Variants in GNG2 observed in about 807,000 individuals in gnomAD.
The protein encoded by GNG2 is G protein subunit gamma 2, also known as guanine nucleotide-binding protein G(I)/G(S)/G(O) subunit gamma-2.
In GNG2, 5 loss-of-function variants were observed where a neutral mutation model predicts 5.5. That is an observed-to-expected ratio of 0.91 (90% CI 0.48 to 1.92). The LOEUF is 1.92. Among genes scored for constraint, GNG2 ranks in the 30% most tolerant of loss-of-function variants. The pLI is 0.01. For missense variants in GNG2, 55 were observed against 88.4 expected, an observed-to-expected ratio of 0.62 and a Z score of 1.52; for synonymous variants, 28 against 32.0, an observed-to-expected ratio of 0.88 and a Z score of 0.42.
intron 2 of GNG2, among the ~76,000 whole-genome samples, chr14:51,930,805 G>C (rs903077884): frequency 2.8e-4 from 43 of 152,182 alleles, no homozygotes; most frequent in African/African-American, 1.0e-3. Context: ...CATGGTGGAA[G>C]GTGAAGGGGG....
rs73297015 is a variant in GNG2, at chr14:51,945,624, A to C, written c.-29-5026A>C. 4.9e-3 allele frequency among the ~76,000 whole-genome samples: 750 copies of C among 152,340 alleles called. 7 individuals carry two copies. The highest frequency in any genetic ancestry group is 0.017 in the African/African-American group (720 of 41,580). ...TGGATGGTGGTGATGATTGCACAAC[A>C]GTATACGTGTATTTAATACCACTGA... On this transcript the variant is annotated intron_variant, in intron 2 of 3. Transcript: ENST00000556766.
chr14:51,968,574 C>T lies in GNG2; in HGVS notation c.*1887C>T, dbSNP rs1281316873. 1 of 152,130 alleles carries T rather than the reference C, an allele frequency of 6.6e-6. No individual in the cohort carries two copies. The allele number at this position is 152,130 out of a possible 1,614,324, so 9.4% of individuals were successfully genotyped here. On this transcript the variant is annotated 3_prime_UTR_variant, in exon 4 of 4. Coordinates refer to ENST00000556766, the MANE Select transcript of GNG2 (RefSeq NM_053064.5). ...ATGAATGCACTTCTGTAACCAGATA[C>T]TTCTGTTCTTCTGTTCAAATTGTGG... is the stretch of plus-strand genomic sequence containing the variant.
chr14:51,852,175 A>G (rs533525421), intron 2 of GNG2, among the ~76,000 whole-genome samples: 31 of 152,358 alleles, frequency 2.0e-4, no homozygotes, highest in African/African-American at 6.7e-4. Flanking sequence ...TCATTGGAAA[A>G]TAAAATCATA....
Position 51,960,479 on chromosome 14 carries a change from C to G in GNG2, c.88-6080C>G, listed in dbSNP as rs114372489. ...ATTCTATTCATTGTATTTTTCATCTCATTGTATTTTTTCATGTCTACATAT... is the reference window on the plus strand; with the variant it reads ...ATTCTATTCATTGTATTTTTCATCTGATTGTATTTTTTCATGTCTACATAT... On this transcript the variant is annotated intron_variant, in intron 3 of 3. Coordinates refer to ENST00000556766, the MANE Select transcript of GNG2 (RefSeq NM_053064.5). Among the ~76,000 whole-genome samples the G allele has an allele frequency of 9.4e-3, 1,382 of 146,682 alleles. 28 individuals carry two copies. The highest frequency in any genetic ancestry group is 0.034 in the African/African-American group (1,298 of 38,364).
chr14:51,894,239 G>A (rs1594886149), intron 2 of GNG2, among the ~76,000 whole-genome samples: 1 of 151,926 alleles, frequency 6.6e-6, no homozygotes, highest in African/African-American at 2.4e-5. Context: ...CAAATATATC[G>A]TAGTTTTATT....
At position 51,968,881 on chromosome 14, in the gene GNG2, A is replaced by G. The variant is rs1890071525; in HGVS notation, c.*2194A>G. The G allele has an allele frequency of 6.6e-6, 1 of 152,146 alleles. No homozygotes were observed. The highest frequency in any genetic ancestry group is 2.1e-4 in the South Asian group (1 of 4,826). 9.4% of individuals were successfully genotyped at this position (152,146 alleles called of 1,614,324 possible). On this transcript the variant is annotated 3_prime_UTR_variant, in exon 4 of 4. Transcript: ENST00000556766. ...TCCTTTTCTCAGAAGGACTCTTTATATTTCCATGTAAATCTAGATCTTTGG... is the reference window on the plus strand; with the variant it reads ...TCCTTTTCTCAGAAGGACTCTTTATGTTTCCATGTAAATCTAGATCTTTGG...
At chr14:51,833,408 G>T (rs1418022312) in intron 2 of GNG2, among the ~76,000 whole-genome samples, 1 of 152,106 alleles carries the variant, frequency 6.6e-6, no homozygotes, top group Non-Finnish European at 1.5e-5. Flanking sequence ...CTAGGTGTCT[G>T]CTAGTTCATC....
At chr14:51,882,437 C>T (rs1884143585) in intron 2 of GNG2, among the ~76,000 whole-genome samples, 1 of 152,118 alleles carries the variant, frequency 6.6e-6, no homozygotes, top group Non-Finnish European at 1.5e-5. Context: ...CTATTCTGTT[C>T]CATTACTGGG....
At position 51,969,003 on chromosome 14, in the gene GNG2, C is replaced by A. The variant is rs1354766444; in HGVS notation, c.*2316C>A. On this transcript the variant is annotated 3_prime_UTR_variant, in exon 4 of 4. Transcript: ENST00000556766. ...TGTCTTACAGTATGGAATTATAATA[C>A]GAAAATCTTTATATGAGTTTTGGCT... 6.6e-6 allele frequency: 1 copy of A among 152,046 alleles called. No homozygotes were observed. The highest frequency in any genetic ancestry group is 2.1e-4 in the South Asian group (1 of 4,820). 9.4% of individuals were successfully genotyped at this position (152,046 alleles called of 1,614,324 possible). A position where few individuals can be genotyped will look rare whatever the true frequency, so the allele number is the denominator to read the frequency against.
At chr14:51,844,421 T>A (rs17124611) in intron 2 of GNG2, among the ~76,000 whole-genome samples, 25,987 of 152,138 alleles carry the variant, frequency 0.17, 2,292 homozygotes, top group Non-Finnish European at 0.19. Context: ...GATGTCACAG[T>A]GAAGAGGAGG....
chr14:51,875,496 T>C (rs1035049641), intron 1 of GNG2, among the ~76,000 whole-genome samples: 2 of 152,206 alleles, frequency 1.3e-5, no homozygotes, highest in African/African-American at 4.8e-5. Flanking sequence ...TTGGGGTATA[T>C]CTAGCAATTT....
intron 2 of GNG2, among the ~76,000 whole-genome samples, chr14:51,923,772 T>C (rs74051303): frequency 0.078 from 11,921 of 152,232 alleles, 830 homozygotes; most frequent in East Asian, 0.32. Context: ...ATGTAAAATG[T>C]ATATGAATTT....
At chr14:51,859,282 A>G (rs1882308557), upstream of GNG2, among the ~76,000 whole-genome samples, 1 of 152,150 alleles carries the variant, frequency 6.6e-6, no homozygotes, top group Non-Finnish European at 1.5e-5. Flanking sequence ...CCCTTCCCCC[A>G]TCTCATGTTT....
chr14:51,917,537 C>A, intron 2 of GNG2: 1 of 418,928 alleles, frequency 2.4e-6, no homozygotes, highest in Non-Finnish European at 4.8e-6. Context: ...CAGCAAATAG[C>A]ATAAATCTTG....
chr14:51,928,034 T>C (rs1358279443), intron 2 of GNG2, among the ~76,000 whole-genome samples: 1 of 145,984 alleles, frequency 6.9e-6, no homozygotes, highest in East Asian at 2.0e-4. Flanking sequence ...CTCTTTTTTT[T>C]TTTTTTTTTT....
At chr14:51,879,734 T>C (rs183866236) in intron 2 of GNG2, among the ~76,000 whole-genome samples, 77 of 152,310 alleles carry the variant, frequency 5.1e-4, no homozygotes, top group Middle Eastern at 3.4e-3. Flanking sequence ...CAGGAAAGGT[T>C]CTCTGATTTT....
At chr14:51,866,688 G>T (rs144465142) in intron 1 of GNG2, among the ~76,000 whole-genome samples, 73 of 152,282 alleles carry the variant, frequency 4.8e-4, no homozygotes, top group African/African-American at 1.7e-3. Flanking sequence ...GACAGAAGGG[G>T]CCAGCTGGCT....
chr14:51,850,795 G>A (rs1881871517), intron 2 of GNG2, among the ~76,000 whole-genome samples: 1 of 152,182 alleles, frequency 6.6e-6, no homozygotes, highest in South Asian at 2.1e-4. Flanking sequence ...GCAAGAGAGA[G>A]AGAGTGGGAG....
chr14:51,892,314 A>ATT (rs199510688), intron 2 of GNG2, among the ~76,000 whole-genome samples: 1 of 150,180 alleles, frequency 6.7e-6, no homozygotes, highest in South Asian at 2.1e-4. Flanking sequence ...TATTTATTTT[A>ATT]TTTTATTTTT....
Sources: allele counts gnomAD v4.1 joint callset (sites outside exome capture counted in the v4.1 genomes callset), GRCh38; gene constraint gnomAD v4.1.1; transcripts MANE v1.5; gene names NCBI Gene and HGNC (gene_info 2026-07-23, HGNC 2026-07-21).